Variants in SLC2A12 observed in about 807,000 individuals in gnomAD.
The protein encoded by SLC2A12 is solute carrier family 2, facilitated glucose transporter member 12.
Under a neutral mutation model 41.8 loss-of-function variants are expected in SLC2A12, and 23 were observed. That is an observed-to-expected ratio of 0.55 (90% CI 0.40 to 0.78). The LOEUF is 0.78. Ranked by LOEUF, SLC2A12 falls within the 30% of genes least tolerant of loss-of-function variation. The pLI, the probability that SLC2A12 is intolerant of heterozygous loss-of-function variation, is 0.00. For missense variants in SLC2A12, 654 were observed against 745.6 expected (o/e 0.88, Z 1.43); for synonymous variants, 295 against 285.9 (o/e 1.03, Z -0.32).
At chr6:134,006,225 C>T (rs1010857135) in intron 3 of SLC2A12, among the ~76,000 whole-genome samples, 31 of 143,318 alleles carry the variant, frequency 2.2e-4, no homozygotes, top group African/African-American at 7.2e-4. Context: ...GAGAGGGGCA[C>T]GTGACATGAC....
chr6:134,043,996 C>T (rs149121736), intron 1 of SLC2A12, among the ~76,000 whole-genome samples: 52 of 152,038 alleles, frequency 3.4e-4, no homozygotes, highest in Middle Eastern at 3.4e-3. Flanking sequence ...CCCAGAATTC[C>T]GAAGTATTGG....
At chr6:134,041,442 C>T (rs1270588016) in intron 1 of SLC2A12, among the ~76,000 whole-genome samples, 2 of 151,960 alleles carry the variant, frequency 1.3e-5, no homozygotes, top group Non-Finnish European at 2.9e-5. Context: ...ATGATTTTAC[C>T]TCTGCCCTTC....
At chr6:133,997,804 A>C (rs1009758847) in intron 4 of SLC2A12, among the ~76,000 whole-genome samples, 1 of 152,142 alleles carries the variant, frequency 6.6e-6, no homozygotes, top group African/African-American at 2.4e-5. Context: ...TCTAAAATAA[A>C]TGTTGAAAAA....
intron 2 of SLC2A12, among the ~76,000 whole-genome samples, chr6:134,015,363 G>A (rs530855687): frequency 1.2e-3 from 184 of 152,236 alleles, no homozygotes; most frequent in Non-Finnish European, 1.4e-3. Flanking sequence ...AATGGATGCT[G>A]GGCTTAATAC....
At chr6:133,992,442 G>A (rs1032707082) in intron 4 of SLC2A12, among the ~76,000 whole-genome samples, 2 of 152,180 alleles carry the variant, frequency 1.3e-5, no homozygotes, top group Non-Finnish European at 2.9e-5. Context: ...TCGAAAGTAG[G>A]AACGTCAACT....
At chr6:134,046,696 A>T (rs1777459782) in intron 1 of SLC2A12, among the ~76,000 whole-genome samples, 4 of 152,052 alleles carry the variant, frequency 2.6e-5, no homozygotes. Context: ...CTGTAATCCC[A>T]GCTTCTTGGG....
At chr6:134,052,333 A>T in intron 1 of SLC2A12, 45 bp downstream of exon 1, 2 of 1,491,570 alleles carry the variant, frequency 1.3e-6, no homozygotes. Context: ...AGATGAGTAC[A>T]GCTTGCTTCT....
At chr6:134,040,718 G>A (rs1225374199) in intron 1 of SLC2A12, among the ~76,000 whole-genome samples, 1 of 152,224 alleles carries the variant, frequency 6.6e-6, no homozygotes, top group Non-Finnish European at 1.5e-5. Flanking sequence ...CTTTTATCAG[G>A]AGGAAAACTT....
At chr6:134,031,299 G>A (rs1777202893) in intron 1 of SLC2A12, among the ~76,000 whole-genome samples, 1 of 152,096 alleles carries the variant, frequency 6.6e-6, no homozygotes, top group Non-Finnish European at 1.5e-5. Context: ...GGCTGAGGCA[G>A]GAGAATCACT....
rs1001437109 is a variant in SLC2A12, at chr6:134,004,614, G to C, written c.1567+2198C>G. On this transcript the variant is annotated intron_variant, in intron 3 of 4. Transcript: ENST00000275230. ...TCTGGATTTTCTTGATTGTAGTCAT[G>C]CTGCATGTTCCTCATCTATATATGA... Among the ~76,000 whole-genome samples the C allele has an allele frequency of 2.0e-5, 3 of 152,260 alleles. No homozygotes were observed. The East Asian group carries it at 5.8e-4, about 29-fold the overall frequency.
intron 1 of SLC2A12, among the ~76,000 whole-genome samples, chr6:134,047,277 G>A (rs982639303): frequency 4.6e-5 from 7 of 152,014 alleles, no homozygotes; most frequent in South Asian, 4.2e-4. Flanking sequence ...TATATAACCC[G>A]TTCTTGCTCA....
intron 2 of SLC2A12, among the ~76,000 whole-genome samples, chr6:134,022,688 T>C (rs886214688): frequency 2.6e-5 from 4 of 152,238 alleles, no homozygotes; most frequent in African/African-American, 9.6e-5. Context: ...CTTTGAAGAT[T>C]TGTAAACATT....
At chr6:134,023,601 G>A (rs914411370) in intron 2 of SLC2A12, among the ~76,000 whole-genome samples, 2 of 152,162 alleles carry the variant, frequency 1.3e-5, no homozygotes, top group African/African-American at 4.8e-5. Flanking sequence ...GATAATTAAC[G>A]TTCCTGAGAA....
chr6:134,032,474 A>C, intron 1 of SLC2A12, among the ~76,000 whole-genome samples: 1 of 57,984 alleles, frequency 1.7e-5, no homozygotes, highest in African/African-American at 5.3e-5. Flanking sequence ...ATTTTTATAT[A>C]TATATATATA....
chr6:134,009,195 G>A (rs2114437072), intron 2 of SLC2A12: 1 of 152,230 alleles, frequency 6.6e-6, no homozygotes, highest in East Asian at 1.9e-4. Flanking sequence ...AGAAAAACTC[G>A]AGATCCACAT....
intron 1 of SLC2A12, 128 bp downstream of exon 1, chr6:134,052,250 T>TACACAC (rs55702666): frequency 0.079 from 29,196 of 369,778 alleles, 1,120 homozygotes; most frequent in South Asian, 0.11. Context: ...CGCGCGCGCA[T>TACACAC]ACACACACAC....
chr6:134,038,135 C>T (rs777287832), intron 1 of SLC2A12, among the ~76,000 whole-genome samples: 10 of 152,152 alleles, frequency 6.6e-5, no homozygotes, highest in Admixed American at 2.6e-4. Flanking sequence ...AGAAATGTTG[C>T]GATCTTTCTT....
At chr6:134,005,632 C>T (rs1776802432) in intron 3 of SLC2A12, among the ~76,000 whole-genome samples, 1 of 127,742 alleles carries the variant, frequency 7.8e-6, no homozygotes, top group South Asian at 2.5e-4. Context: ...TGCACTCCAG[C>T]CTGGGCAAGA....
intron 1 of SLC2A12, among the ~76,000 whole-genome samples, chr6:134,049,362 T>C (rs996577761): frequency 2.0e-5 from 3 of 152,238 alleles, no homozygotes; most frequent in African/African-American, 7.2e-5. Flanking sequence ...TTAAGAGGAC[T>C]CTGTCCCCAG....
Sources: gnomAD v4.1 joint callset for allele counts (sites outside exome capture counted in the v4.1 genomes callset) on GRCh38, gnomAD v4.1.1 for gene constraint, MANE v1.5 for transcripts, NCBI Gene and HGNC (gene_info 2026-07-23, HGNC 2026-07-21) for gene names.